Variants in HMOX2 observed in about 807,000 individuals in gnomAD.
HMOX2 encodes heme oxygenase (decycling) 2.
HMOX2 carries 30 observed loss-of-function variants against 33.7 expected under a neutral mutation model. That is an observed-to-expected ratio of 0.89 (90% confidence interval 0.67 to 1.21). The LOEUF (loss-of-function observed/expected upper bound fraction) is 1.21. Among genes scored for constraint, HMOX2 ranks in the 50% most tolerant of loss-of-function variants. The pLI, the probability that HMOX2 is intolerant of heterozygous loss-of-function variation, is 0.00. For missense variants in HMOX2, 403 were observed against 399.1 expected, an observed-to-expected ratio of 1.01 and a Z score of -0.08; for synonymous variants, 155 against 155.0, an observed-to-expected ratio of 1.00 and a Z score of 0.00.
At chr16:4,483,449 A>G (rs527739429) in intron 1 of HMOX2, among the ~76,000 whole-genome samples, 48 of 152,110 alleles carry the variant, frequency 3.2e-4, no homozygotes, top group African/African-American at 1.1e-3. Flanking sequence ...AGGAAATTCC[A>G]AGGGATTTAG....
chr16:4,489,951 G>A (rs934596888), intron 1 of HMOX2, among the ~76,000 whole-genome samples: 2 of 152,102 alleles, frequency 1.3e-5, no homozygotes, highest in African/African-American at 4.8e-5. Context: ...ATTGCCCTCT[G>A]TCATCAGCAC....
rs1445117666 is a variant in HMOX2, at chr16:4,487,580, G to A, written c.-42+11093G>A. Among the ~76,000 whole-genome samples the A allele has an allele frequency of 3.3e-5, 5 of 152,058 alleles. No homozygotes were observed. The South Asian group carries it at 1.0e-3, about 31-fold the overall frequency. On this transcript the variant is annotated intron_variant, in intron 1 of 5. Transcript: ENST00000570646. ...GCACGTTGGGAGGCCGAGGCGGGTG[G>A]ATCACAAGGTCAGGAGATCGAGACC... is the stretch of plus-strand genomic sequence containing the variant.
chr16:4,479,031 A>C (rs1001875516), intron 1 of HMOX2, among the ~76,000 whole-genome samples: 5 of 151,904 alleles, frequency 3.3e-5, no homozygotes, highest in African/African-American at 1.2e-4. Context: ...GTAGCCTGTA[A>C]TCCCAGCTAC....
chr16:4,498,433 G>A (rs940088699), intron 1 of HMOX2, among the ~76,000 whole-genome samples: 4 of 150,962 alleles, frequency 2.6e-5, no homozygotes, highest in Non-Finnish European at 5.9e-5. Flanking sequence ...GGAGTGCAAC[G>A]GTGTGATCAT....
intron 1 of HMOX2, among the ~76,000 whole-genome samples, chr16:4,491,432 T>C (rs1047075271): frequency 2.0e-5 from 3 of 152,060 alleles, no homozygotes; most frequent in African/African-American, 4.8e-5. Flanking sequence ...GCTGGATCAC[T>C]TGAGTTCAGG....
intron 1 of HMOX2, among the ~76,000 whole-genome samples, chr16:4,500,036 C>G (rs973755608): frequency 6.6e-6 from 1 of 152,194 alleles, no homozygotes; most frequent in South Asian, 2.1e-4. Context: ...AGGTTGGATG[C>G]TCCCCAGGGT....
chr16:4,492,920 C>T (rs932278484), intron 1 of HMOX2, among the ~76,000 whole-genome samples: 1 of 152,090 alleles, frequency 6.6e-6, no homozygotes, highest in African/African-American at 2.4e-5. Context: ...GCCTGTAGCC[C>T]CAGCTACTCA....
intron 1 of HMOX2, among the ~76,000 whole-genome samples, chr16:4,477,182 A>G (rs1388303672): frequency 6.6e-6 from 1 of 152,036 alleles, no homozygotes; most frequent in Non-Finnish European, 1.5e-5. Flanking sequence ...TCTTTGCACG[A>G]GGCCTGCCTG....
intron 1 of HMOX2, among the ~76,000 whole-genome samples, chr16:4,480,568 C>T (rs562260009): frequency 1.3e-5 from 2 of 151,884 alleles, no homozygotes; most frequent in East Asian, 1.9e-4. Flanking sequence ...TGGTCTCAAA[C>T]TCCTGACCTC....
chr16:4,508,059 C>T lies in HMOX2; in HGVS notation c.551C>T (p.Thr184Ile), dbSNP rs1326570255. 1.2e-6 allele frequency: 2 copies of T among 1,614,098 alleles called. No homozygotes were observed. Among genetic ancestry groups the T allele is most frequent in the Non-Finnish European group, 1.7e-6 (2 of 1,180,026 alleles). The part of the protein sequence containing the change: ...ALKLPSTGEG[T>I]QFYLFENVDN... ...AAACTCCCCAGCACAGGGGAAGGGA[C>T]CCAGTTCTACCTGTTTGAGAATGTG... is the stretch of plus-strand genomic sequence containing the variant. Residue 184 changes from threonine (T) to isoleucine (I), a missense_variant, in exon 4 of 6, where the codon ACC (threonine) becomes ATC (isoleucine). By Grantham distance (89) the Thr-to-Ile change is moderately conservative (BLOSUM62 -1). Coordinates refer to ENST00000570646, the MANE Select transcript of HMOX2 (RefSeq NM_002134.4).
chr16:4,503,690 A>AGAGATGG (rs1446703306), intron 1 of HMOX2, among the ~76,000 whole-genome samples: 6 of 152,210 alleles, frequency 3.9e-5, no homozygotes. Flanking sequence ...TAAAGGTGAG[A>AGAGATGG]GAGATGGTTC....
chr16:4,487,945 C>CT (rs1450006849), intron 1 of HMOX2, among the ~76,000 whole-genome samples: 5 of 130,930 alleles, frequency 3.8e-5, no homozygotes, highest in East Asian at 2.1e-4. Flanking sequence ...GAGCGAAACT[C>CT]TGTCTCAAAA....
chr16:4,497,416 C>T (rs1001752701), intron 1 of HMOX2, among the ~76,000 whole-genome samples: 1 of 152,202 alleles, frequency 6.6e-6, no homozygotes, highest in Admixed American at 6.5e-5. Flanking sequence ...CCCTCCCGCT[C>T]CTGGTGCTGC....
At chr16:4,478,285 G>A (rs1446437024) in intron 1 of HMOX2, among the ~76,000 whole-genome samples, 2 of 152,164 alleles carry the variant, frequency 1.3e-5, no homozygotes, top group Non-Finnish European at 2.9e-5. Context: ...ACCGCCTTTA[G>A]CTCACCCCTC....
intron 1 of HMOX2, among the ~76,000 whole-genome samples, chr16:4,494,054 C>T (rs1176043848): frequency 2.0e-5 from 3 of 152,094 alleles, no homozygotes; most frequent in Non-Finnish European, 2.9e-5. Flanking sequence ...CTGTGGCTCA[C>T]GCCTGTAATC....
intron 1 of HMOX2, among the ~76,000 whole-genome samples, chr16:4,492,882 C>A (rs1451710532): frequency 6.6e-6 from 1 of 151,974 alleles, no homozygotes. Flanking sequence ...ACTAAAAATA[C>A]AAAAATTAAT....
chr16:4,507,312 G>A (rs2058718563), intron 3 of HMOX2, among the ~76,000 whole-genome samples: 1 of 152,066 alleles, frequency 6.6e-6, no homozygotes, highest in South Asian at 2.1e-4. Flanking sequence ...GGGTGTGGTG[G>A]CGCGTGCCTG....
At chr16:4,491,828 C>T (rs913602454) in intron 1 of HMOX2, among the ~76,000 whole-genome samples, 8 of 151,780 alleles carry the variant, frequency 5.3e-5, no homozygotes, top group African/African-American at 1.9e-4. Context: ...GGACTATAGG[C>T]GCATGCCATC....
intron 1 of HMOX2, among the ~76,000 whole-genome samples, chr16:4,480,457 T>C (rs2057993265): frequency 6.7e-6 from 1 of 149,638 alleles, no homozygotes; most frequent in Admixed American, 6.7e-5. Flanking sequence ...TGATTCTCCT[T>C]CCTCAGCCTC....
Sources: allele counts gnomAD v4.1 joint callset (sites outside exome capture counted in the v4.1 genomes callset), GRCh38; gene constraint gnomAD v4.1.1; transcripts MANE v1.5; gene names NCBI Gene and HGNC (gene_info 2026-07-23, HGNC 2026-07-21).